The following PPIL6 variants were observed in gnomAD, a reference collection of about 807,000 sequenced individuals.
PPIL6 encodes peptidylprolyl isomerase like 6, also known as probable inactive peptidyl-prolyl cis-trans isomerase-like 6.
Under a neutral mutation model 36.8 loss-of-function variants are expected in PPIL6, and 39 were observed. That is an observed-to-expected ratio of 1.06 (90% CI 0.82 to 1.38). The LOEUF (loss-of-function observed/expected upper bound fraction) is 1.38, where lower values mean the gene tolerates loss of function less well. PPIL6 is among the 40% of genes most tolerant of loss of function. PPIL6 has a pLI of 0.00. For synonymous variants in PPIL6, 123 were observed against 134.1 expected (o/e 0.92, Z 0.57); for missense variants, 368 against 379.1 (o/e 0.97, Z 0.24).
In PPIL6 at chr6:109,431,288, G is replaced by A; in HGVS notation, c.289C>T (p.Gln97Ter). The A allele has an allele frequency of 6.2e-7, 1 of 1,605,358 alleles. No individual in the cohort carries two copies. The highest frequency in any genetic ancestry group is 2.2e-5 in the East Asian group (1 of 44,580). ...SSSVISFVNG[Q>*]FLGDALDLQK... ...AGATCCAATGCATCACCCAGAAACT[G>A]ACCATTAACAAAAGAAATCACAGAG... is the stretch of plus-strand genomic sequence containing the variant. Residue 97 changes from glutamine (Q) to a stop codon, truncating the protein, a stop_gained, in exon 3 of 8, where the codon CAG (glutamine) becomes TAG (stop). Coordinates refer to ENST00000521072, the MANE Select transcript of PPIL6 (RefSeq NM_173672.5). LOFTEE classifies it high-confidence loss of function.
At chr6:109,424,119 C>T (rs1351372584) in intron 5 of PPIL6, among the ~76,000 whole-genome samples, 5 of 151,902 alleles carry the variant, frequency 3.3e-5, no homozygotes, top group Non-Finnish European at 5.9e-5. Flanking sequence ...GAGGGGTGAG[C>T]GGTGTGTGTG....
chr6:109,436,000 G>T, intron 2 of PPIL6, 104 bp downstream of exon 2: 1 of 751,504 alleles, frequency 1.3e-6, no homozygotes, highest in South Asian at 1.5e-5. Context: ...ATAAAATCTA[G>T]TTACACTAAA....
intron 6 of PPIL6, 30 bp from the exon 7 acceptor site, chr6:109,400,200 A>C (rs774257822): frequency 1.3e-6 from 2 of 1,576,732 alleles, no homozygotes; most frequent in Non-Finnish European, 1.7e-6. Flanking sequence ...GTAGGTCATT[A>C]GCACATTTCT....
At chr6:109,435,159 G>C (rs993662758) in intron 2 of PPIL6, among the ~76,000 whole-genome samples, 5 of 152,178 alleles carry the variant, frequency 3.3e-5, no homozygotes, top group African/African-American at 1.2e-4. Flanking sequence ...ACATTAACCA[G>C]CTCGGTGCCA....
At chr6:109,422,801 A>G (rs1369638467) in intron 5 of PPIL6, among the ~76,000 whole-genome samples, 3 of 152,244 alleles carry the variant, frequency 2.0e-5, no homozygotes, top group Non-Finnish European at 2.9e-5. Context: ...ATGTAAGTCA[A>G]ATGGAAAGCC....
rs533909949 is a variant in PPIL6, at chr6:109,434,038, C to A, written c.231+2066G>T. ...AGAGGAGTGGGTGCAAACCACAAAC[C>A]ATGAGACAGTTTTCCTGTGGGTGGA... is the stretch of plus-strand genomic sequence containing the variant. On this transcript the variant is annotated intron_variant, in intron 2 of 7. Coordinates refer to ENST00000521072, the MANE Select transcript of PPIL6 (RefSeq NM_173672.5). 5.3e-5 allele frequency among the ~76,000 whole-genome samples: 8 copies of A among 152,178 alleles called. No individual in the cohort carries two copies. In the Middle Eastern group the frequency reaches 0.01, roughly 194 times the overall value.
At chr6:109,410,869 C>A (rs1216849275) in intron 6 of PPIL6, among the ~76,000 whole-genome samples, 1 of 152,098 alleles carries the variant, frequency 6.6e-6, no homozygotes, top group Non-Finnish European at 1.5e-5. Flanking sequence ...CTGCCCCCTT[C>A]CAGAAAACAA....
chr6:109,392,770 A>G lies in PPIL6; in HGVS notation c.*56T>C, dbSNP rs371116357. On this transcript the variant is annotated 3_prime_UTR_variant, in exon 8 of 8. Coordinates refer to ENST00000521072, the MANE Select transcript of PPIL6 (RefSeq NM_173672.5). ...TCAAGTACTTTTTAATTAAATCCAC[A>G]AACAGCTGATCAGATACAAAGTAAT... 1 of 1,066,724 alleles carries G rather than the reference A, an allele frequency of 9.4e-7. No homozygotes were observed. The highest frequency in any genetic ancestry group is 1.4e-6 in the Non-Finnish European group (1 of 720,176). 66.1% of individuals were successfully genotyped at this position (1,066,724 alleles called of 1,614,324 possible).
At chr6:109,406,657 C>CA (rs1309770039) in intron 6 of PPIL6, among the ~76,000 whole-genome samples, 2 of 152,152 alleles carry the variant, frequency 1.3e-5, no homozygotes, top group Admixed American at 1.3e-4. Flanking sequence ...CCCTTACCTA[C>CA]AATTTAGTAC....
In PPIL6 at chr6:109,431,290, C is replaced by T. The variant is rs566348827; in HGVS notation, c.287G>A (p.Gly96Asp). ...ATCCAATGCATCACCCAGAAACTGA[C>T]CATTAACAAAAGAAATCACAGAGGA... ...YSSSVISFVN[G>D]QFLGDALDLQ... The change falls in exon 3 of 8, where the codon GGT becomes GAT. Residue 96 changes from glycine (G) to aspartate (D), a missense_variant. Transcript: ENST00000521072. The T allele has an allele frequency of 2.5e-5, 41 of 1,609,700 alleles. No homozygotes were observed. The South Asian group carries it at 4.3e-4, about 17-fold the overall frequency.
intron 6 of PPIL6, chr6:109,403,052 C>T: frequency 1.3e-6 from 2 of 1,532,376 alleles, no homozygotes; most frequent in African/African-American, 1.4e-5. Context: ...TCGATCTTTC[C>T]AACCCCTCTG....
At chr6:109,431,393 G>A (rs755448636) in intron 2 of PPIL6, 48 bp from the exon 3 acceptor site, 4 of 1,404,392 alleles carry the variant, frequency 2.8e-6, no homozygotes, top group Non-Finnish European at 3.9e-6. Flanking sequence ...GAAGTGGGGG[G>A]AAAACTTGCT....
At chr6:109,395,576 C>T (rs561433457) in intron 7 of PPIL6, among the ~76,000 whole-genome samples, 1 of 151,358 alleles carries the variant, frequency 6.6e-6, no homozygotes, top group East Asian at 2.0e-4. Flanking sequence ...GGCCTGGACT[C>T]CTCTCAGGCC....
chr6:109,414,958 A>C (rs1041232035), intron 6 of PPIL6, among the ~76,000 whole-genome samples: 2 of 152,254 alleles, frequency 1.3e-5, no homozygotes, highest in Admixed American at 6.5e-5. Context: ...GAGAAAATAA[A>C]ATGTTATAAA....
At chr6:109,422,103 C>A (rs1773578258) in intron 5 of PPIL6, among the ~76,000 whole-genome samples, 1 of 152,118 alleles carries the variant, frequency 6.6e-6, no homozygotes, top group Non-Finnish European at 1.5e-5. Context: ...GTCTCGAACT[C>A]CTGACCTCGT....
At chr6:109,402,952 G>A in intron 6 of PPIL6, 1 of 896,026 alleles carries the variant, frequency 1.1e-6, no homozygotes, top group Non-Finnish European at 1.7e-6. Flanking sequence ...CAGACATAAA[G>A]TATTACAAGA....
intron 6 of PPIL6, among the ~76,000 whole-genome samples, chr6:109,416,200 CTTTT>C (rs35427534): frequency 2.7e-5 from 3 of 112,520 alleles, no homozygotes; most frequent in African/African-American, 3.6e-5. Flanking sequence ...TCTTTTGTGG[CTTTT>C]TTTTTTTTTT....
At chr6:109,425,234 A>G (rs1257436694) in intron 5 of PPIL6, among the ~76,000 whole-genome samples, 2 of 152,254 alleles carry the variant, frequency 1.3e-5, no homozygotes, top group African/African-American at 4.8e-5. Context: ...TACATGAATC[A>G]GAGCTTGGAT....
At chr6:109,436,289 T>G in intron 1 of PPIL6, 90 bp from the exon 2 acceptor site, 2 of 768,282 alleles carry the variant, frequency 2.6e-6, no homozygotes, top group Non-Finnish European at 4.5e-6. Context: ...TTTCCAGAAG[T>G]TTTATACAAC....
Sources: gnomAD v4.1 joint callset for allele counts (sites outside exome capture counted in the v4.1 genomes callset) on GRCh38, gnomAD v4.1.1 for gene constraint, MANE v1.5 for transcripts, NCBI Gene and HGNC (gene_info 2026-07-23, HGNC 2026-07-21) for gene names.